CD70: variants seen among roughly 807,000 people sequenced by gnomAD.
CD70 encodes CD70 antigen.
CD70 carries 6 observed loss-of-function variants against 9.0 expected under a neutral mutation model. That is an observed-to-expected ratio of 0.67 (90% confidence interval 0.37 to 1.32). The LOEUF is 1.32. Among genes scored for constraint, CD70 ranks in the 40% most tolerant of loss-of-function variants. The pLI is 0.02. For missense variants in CD70, 235 were observed against 258.7 expected (o/e 0.91, Z 0.63); for synonymous variants, 108 against 112.3 (o/e 0.96, Z 0.24).
chr19:6,582,144 A>T (rs1323475863), downstream of CD70, among the ~76,000 whole-genome samples: 2 of 151,178 alleles, frequency 1.3e-5, no homozygotes, highest in African/African-American at 4.9e-5. Context: ...ATTCTCCTGC[A>T]TCAGCCTCCA....
At chr19:6,583,026 G>A (rs1915948787), downstream of CD70, among the ~76,000 whole-genome samples, 2 of 152,160 alleles carry the variant, frequency 1.3e-5, no homozygotes, top group African/African-American at 2.4e-5. Flanking sequence ...TAAGGTTGGA[G>A]AGGGGCTGCA....
downstream of CD70, chr19:6,583,194 A>G (rs550068962): frequency 9.5e-5 from 53 of 559,870 alleles, no homozygotes; most frequent in African/African-American, 9.3e-4. Context: ...TACTATGTAG[A>G]TGAATTGCCT....
At chr19:6,582,504 C>T (rs190720856), downstream of CD70, among the ~76,000 whole-genome samples, 132 of 151,512 alleles carry the variant, frequency 8.7e-4, no homozygotes, top group Non-Finnish European at 1.1e-3. Context: ...ATCCCTCCCC[C>T]CCTCCCCCGA....
Position 6,590,749 on chromosome 19 carries a change from T to C in CD70, c.162+92A>G, listed in dbSNP as rs183991538. On this transcript the variant is annotated intron_variant, in intron 1 of 2. Coordinates refer to ENST00000245903, the MANE Select transcript of CD70 (RefSeq NM_001252.5). The surrounding 1 kb of genome is among the most constrained non-coding windows in gnomAD (Gnocchi z 5.3). ...GTCTCTGTCTCTGCCCTACCAGATC[T>C]TCCTCTCTGGCCTCTTTGTACCCAT... The C allele has an allele frequency of 1.5e-5, 18 of 1,187,344 alleles. No homozygotes were observed. In the African/African-American group the frequency reaches 2.3e-4, roughly 15 times the overall value. 73.6% of individuals were successfully genotyped at this position (1,187,344 alleles called of 1,614,324 possible).
At chr19:6,587,169 C>A (rs111064562) in intron 2 of CD70, among the ~76,000 whole-genome samples, 1 of 134,292 alleles carries the variant, frequency 7.4e-6, no homozygotes, top group Non-Finnish European at 1.6e-5. Context: ...CAAGAGACAG[C>A]ATGAGAGAGA....
At chr19:6,587,235 C>A (rs573821130) in intron 2 of CD70, among the ~76,000 whole-genome samples, 5 of 136,122 alleles carry the variant, frequency 3.7e-5, no homozygotes, top group Non-Finnish European at 7.8e-5. Flanking sequence ...AGAGAGAGGA[C>A]GAGAGAGCTT....
intron 2 of CD70, among the ~76,000 whole-genome samples, chr19:6,589,253 CT>C (rs1599452964): frequency 1.6e-5 from 1 of 61,232 alleles, no homozygotes; most frequent in South Asian, 6.8e-4. Context: ...GGCTTTCTTT[CT>C]TTTCTTTCTC....
intron 2 of CD70, among the ~76,000 whole-genome samples, chr19:6,588,946 TGAATGGAGGAAG>T (rs1420946155): frequency 6.6e-6 from 1 of 152,164 alleles, no homozygotes; most frequent in Admixed American, 6.5e-5. Context: ...GCTTGTAGCA[TGAATGGAGGAAG>T]GGTAGCCTTT....
In CD70 at chr19:6,590,860, AGCT is replaced by A. The variant is rs750225124; in HGVS notation, c.140_142del (p.Gln47del). 1.2e-6 allele frequency: 2 copies of A among 1,613,138 alleles called. No homozygotes were observed. The highest frequency in any genetic ancestry group is 1.7e-6 in the Non-Finnish European group (2 of 1,179,706). On this transcript the variant is annotated inframe_deletion, in exon 1 of 3. Transcript: ENST00000245903. This position sits in a 1 kb window ranked among gnomAD's most constrained non-coding sequence, Gnocchi z 5.3. ...ACTCACCCCAAGTGACTCGAGCGGC[AGCT>A]GCTGCTGAGCCTGTGCGAAGCGCTG...
downstream of CD70, chr19:6,583,344 A>G (rs935090065): frequency 7.1e-6 from 5 of 701,450 alleles, no homozygotes; most frequent in African/African-American, 7.0e-5. Flanking sequence ...AAATGGGAAC[A>G]ATGATGATTC....
At chr19:6,584,584 A>AG (rs61461205), downstream of CD70, among the ~76,000 whole-genome samples, 151,477 of 151,482 alleles carry the variant, frequency 1, 75,736 homozygotes, top group Middle Eastern at 1. Context: ...TTTGAGGTCC[A>AG]GGCAGTGGCT....
At chr19:6,582,499 TC>T (rs903749183), downstream of CD70, among the ~76,000 whole-genome samples, 22 of 133,670 alleles carry the variant, frequency 1.6e-4, no homozygotes, top group South Asian at 1.8e-3. Flanking sequence ...ATGCTATCCC[TC>T]CCCCCCTCCC....
At chr19:6,583,599 CCCAGGCT>C, downstream of CD70, 1 of 545,784 alleles carries the variant, frequency 1.8e-6, no homozygotes, top group Admixed American at 3.4e-5. Flanking sequence ...CACTCTGCCA[CCCAGGCT>C]GGAGTGCAGT....
chr19:6,587,377 C>G (rs1004198630), intron 2 of CD70, among the ~76,000 whole-genome samples: 2 of 150,746 alleles, frequency 1.3e-5, no homozygotes, highest in Non-Finnish European at 3.0e-5. Context: ...AGAGAGTGCA[C>G]GAGACAGAGT....
intron 2 of CD70, among the ~76,000 whole-genome samples, chr19:6,587,267 TGA>T (rs201538635): frequency 0.016 from 1,691 of 102,872 alleles, 28 homozygotes; most frequent in African/African-American, 0.056. Context: ...CACGAGAGAG[TGA>T]GAGAGAGCAC....
downstream of CD70, chr19:6,585,832 G>A (rs891189351): frequency 5.5e-6 from 3 of 548,158 alleles, no homozygotes; most frequent in Non-Finnish European, 9.7e-6. Flanking sequence ...ACGCCACGAA[G>A]CCCAGCTGAT....
In CD70 at chr19:6,591,009, G is replaced by A; in HGVS notation, c.-7C>T. 3.8e-6 allele frequency: 6 copies of A among 1,588,172 alleles called. No individual in the cohort carries two copies. Among genetic ancestry groups the A allele is most frequent in the Non-Finnish European group, 5.2e-6 (6 of 1,164,296 alleles). On this transcript the variant is annotated 5_prime_UTR_variant, in exon 1 of 3. Transcript: ENST00000245903. ...CCGAACCCTCCTCCGGCATCGCCGC[G>A]GCGATCACCTCCGCTAGCGCAGGAG... is the stretch of plus-strand genomic sequence containing the variant.
Position 6,590,322 on chromosome 19 carries a change from T to C in CD70, c.163-186A>G, listed in dbSNP as rs543658260. 2.6e-5 allele frequency among the ~76,000 whole-genome samples: 4 copies of C among 152,354 alleles called. No homozygotes were observed. Among genetic ancestry groups the C allele is most frequent in the South Asian group, 2.1e-4 (1 of 4,828 alleles). On this transcript the variant is annotated intron_variant, in intron 1 of 2. Transcript: ENST00000245903. The surrounding 1 kb of genome is among the most constrained non-coding windows in gnomAD (Gnocchi z 5.3). ...AGACTTCTTAAAGAGGAAGCAGGTC[T>C]GAACCAGCGGGGAACGTGAAGTCGA... is the stretch of plus-strand genomic sequence containing the variant.
At chr19:6,583,569 T>TTTG, downstream of CD70, 2 of 395,090 alleles carry the variant, frequency 5.1e-6, no homozygotes, top group Non-Finnish European at 8.7e-6. Context: ...TTTTTTTTTT[T>TTTG]TTTTTTTTAA....
Sources: allele counts gnomAD v4.1 joint callset (sites outside exome capture counted in the v4.1 genomes callset), GRCh38; gene constraint gnomAD v4.1.1; non-coding constraint Gnocchi (gnomAD v3.1); transcripts MANE v1.5; gene names NCBI Gene and HGNC (gene_info 2026-07-23, HGNC 2026-07-21).